CTNNA2: variants seen among roughly 807,000 people sequenced by gnomAD.
CTNNA2 encodes the protein catenin alpha 2, also known as catenin alpha-2.
Under a neutral mutation model 101.0 loss-of-function variants are expected in CTNNA2, and 42 were observed. That is an observed-to-expected ratio of 0.42 (90% CI 0.32 to 0.54). The LOEUF (loss-of-function observed/expected upper bound fraction) is 0.54. CTNNA2 is among the 20% of genes least tolerant of loss of function. CTNNA2 has a pLI of 0.14. For missense variants in CTNNA2, 871 were observed against 1,223.1 expected (o/e 0.71, Z 4.29); for synonymous variants, 450 against 456.4 (o/e 0.99, Z 0.18).
At chr2:79,492,834 T>C (rs1422156598) in intron 4 of CTNNA2, among the ~76,000 whole-genome samples, 3 of 152,122 alleles carry the variant, frequency 2.0e-5, no homozygotes, top group African/African-American at 7.2e-5. Flanking sequence ...AAAATGAGTC[T>C]AGTAACATAT....
At chr2:79,777,295 A>T (rs1401336869) in intron 3 of CTNNA2, among the ~76,000 whole-genome samples, 1 of 150,300 alleles carries the variant, frequency 6.7e-6, no homozygotes, top group Admixed American at 6.6e-5. Context: ...GCCAATATTT[A>T]CTGAGCTCTT....
chr2:80,031,595 T>C (rs1043723975), intron 7 of CTNNA2, among the ~76,000 whole-genome samples: 8 of 152,194 alleles, frequency 5.3e-5, no homozygotes, highest in African/African-American at 1.9e-4. Context: ...CATGTGGAAA[T>C]TCAAGATGAG....
chr2:79,824,394 G>A (rs571429673), intron 3 of CTNNA2, among the ~76,000 whole-genome samples: 2 of 152,168 alleles, frequency 1.3e-5, no homozygotes, highest in Admixed American at 1.3e-4. Flanking sequence ...GGCTGTGTTG[G>A]GGTCATAGGG....
chr2:79,204,907 C>T (rs1284770181), intron 2 of CTNNA2, among the ~76,000 whole-genome samples: 1 of 152,252 alleles, frequency 6.6e-6, no homozygotes, highest in Admixed American at 6.5e-5. Context: ...AAATACCTTG[C>T]ATCAGGCACC....
At chr2:79,760,708 T>C (rs1020476032) in intron 3 of CTNNA2, among the ~76,000 whole-genome samples, 4 of 152,228 alleles carry the variant, frequency 2.6e-5, no homozygotes, top group African/African-American at 9.6e-5. Flanking sequence ...AGGTAATAAT[T>C]GATAAGTAAT....
At chr2:79,933,554 A>C (rs1330458586) in intron 7 of CTNNA2, among the ~76,000 whole-genome samples, 1 of 151,416 alleles carries the variant, frequency 6.6e-6, no homozygotes, top group Non-Finnish European at 1.5e-5. Flanking sequence ...TCCCGGGTTC[A>C]TGCCATTCTC....
chr2:80,161,084 G>T (rs114199055), intron 7 of CTNNA2, among the ~76,000 whole-genome samples: 2 of 151,916 alleles, frequency 1.3e-5, no homozygotes, highest in Admixed American at 6.6e-5. Context: ...TCTCTCTGTC[G>T]CAAAGACTGC....
chr2:80,087,206 G>A (rs187385414), intron 7 of CTNNA2, among the ~76,000 whole-genome samples: 88 of 151,966 alleles, frequency 5.8e-4, no homozygotes, highest in Admixed American at 2.8e-3. Flanking sequence ...ACACCTTCAG[G>A]GTGTAGACAG....
intron 4 of CTNNA2, among the ~76,000 whole-genome samples, chr2:79,490,872 T>C (rs911953674): frequency 5.9e-5 from 9 of 152,202 alleles, no homozygotes; most frequent in Admixed American, 5.9e-4. Flanking sequence ...GTTTTGGACA[T>C]ACTTCCCAGC....
chr2:80,469,716 T>C (rs1685137462), intron 9 of CTNNA2, among the ~76,000 whole-genome samples: 1 of 152,084 alleles, frequency 6.6e-6, no homozygotes, highest in Admixed American at 6.6e-5. Context: ...GACATGTTGG[T>C]ACCTTATGGG....
intron 7 of CTNNA2, among the ~76,000 whole-genome samples, chr2:80,330,846 G>T (rs1040762451): frequency 1.3e-5 from 2 of 152,076 alleles, no homozygotes; most frequent in African/African-American, 4.8e-5. Context: ...TGAGTTTAGA[G>T]GAATGGATGT....
At chr2:79,554,188 A>G (rs912553780) in intron 1 of CTNNA2, among the ~76,000 whole-genome samples, 9 of 151,676 alleles carry the variant, frequency 5.9e-5, no homozygotes, top group African/African-American at 2.2e-4. Flanking sequence ...AGCCATCAAT[A>G]CCTGATGGCA....
Position 80,553,540 on chromosome 2 carries a change from T to C in CTNNA2, c.1541-2153T>C, listed in dbSNP as rs1031265280. 2.1e-4 allele frequency among the ~76,000 whole-genome samples: 32 copies of C among 152,216 alleles called. 1 individual carries two copies. Among genetic ancestry groups the C allele is most frequent in the Non-Finnish European group, 1.6e-4 (11 of 68,036 alleles). ...TTCTTAGAATTTAAAAACAAACTTA[T>C]TAACTCCAGAAGGATTAGTATCTAA... On this transcript the variant is annotated intron_variant, in intron 11 of 18. Transcript: ENST00000402739.
chr2:79,199,664 T>C (rs1009387094), intron 2 of CTNNA2, among the ~76,000 whole-genome samples: 9 of 152,134 alleles, frequency 5.9e-5, no homozygotes, highest in Admixed American at 6.5e-5. Context: ...CAAAATACCA[T>C]AGACTAGGTG....
chr2:79,672,792 C>T (rs371868024), intron 2 of CTNNA2, among the ~76,000 whole-genome samples: 1 of 151,526 alleles, frequency 6.6e-6, no homozygotes, highest in African/African-American at 2.4e-5. Context: ...TCACTGCAAC[C>T]TCTGCCTCCC....
Position 79,350,513 on chromosome 2 carries a change from AT to A in CTNNA2, c.-317-23310del, listed in dbSNP as rs528511100. Among the ~76,000 whole-genome samples, 5 of 152,086 alleles carry A rather than the reference AT, an allele frequency of 3.3e-5. No homozygotes were observed. The East Asian group carries it at 5.8e-4, about 18-fold the overall frequency. On this transcript the variant is annotated intron_variant, in intron 3 of 21. Transcript: ENST00000466387. ...GTATTCTATGATATATATATGCCAC[AT>A]TTTTTTTATTCCAATCCACCTCTGA...
At chr2:79,604,783 C>T (rs1374769846) in intron 1 of CTNNA2, among the ~76,000 whole-genome samples, 1 of 152,152 alleles carries the variant, frequency 6.6e-6, no homozygotes. Flanking sequence ...GAGACTCTTA[C>T]CTTAGTACTG....
intron 4 of CTNNA2, among the ~76,000 whole-genome samples, chr2:79,502,136 C>T (rs1017513571): frequency 1.2e-4 from 18 of 151,932 alleles, no homozygotes; most frequent in African/African-American, 4.4e-4. Flanking sequence ...TACAATCTTA[C>T]CCAGGGAAAT....
At chr2:79,888,678 G>C (rs1163094817) in intron 6 of CTNNA2, among the ~76,000 whole-genome samples, 1 of 151,862 alleles carries the variant, frequency 6.6e-6, no homozygotes, top group African/African-American at 2.4e-5. Flanking sequence ...TCCAATCTTG[G>C]GTTATTTCTT....
Sources: allele counts gnomAD v4.1 joint callset (sites outside exome capture counted in the v4.1 genomes callset), GRCh38; gene constraint gnomAD v4.1.1; transcripts MANE v1.5; gene names NCBI Gene and HGNC (gene_info 2026-07-23, HGNC 2026-07-21).